Variants in ATF6 observed in about 807,000 individuals in gnomAD.
The protein encoded by ATF6 is cyclic AMP-dependent transcription factor ATF-6 alpha.
A neutral mutation model predicts 83.6 loss-of-function variants in ATF6; 53 were observed. The observed-to-expected ratio is 0.63, with a 90% CI of 0.51 to 0.80. The LOEUF is 0.80. Ranked by LOEUF, ATF6 falls within the 30% of genes least tolerant of loss-of-function variation. The probability of loss-of-function intolerance (pLI) is 0.00; values close to 1 mark genes in which losing one functional copy is unlikely to be tolerated. For missense variants in ATF6, 744 were observed against 797.9 expected (o/e 0.93, Z 0.81); for synonymous variants, 288 against 285.8 (o/e 1.01, Z -0.08).
chr1:161,812,681 C>T (rs1017277585), intron 7 of ATF6, among the ~76,000 whole-genome samples: 17 of 151,810 alleles, frequency 1.1e-4, no homozygotes, highest in Admixed American at 1.3e-4. Context: ...CGTGAGCCAC[C>T]GCGCCCGGCC....
chr1:161,936,555 G>T, intron 15 of ATF6, among the ~76,000 whole-genome samples: 1 of 152,028 alleles, frequency 6.6e-6, no homozygotes, highest in Admixed American at 6.6e-5. Flanking sequence ...ATTTGTATGG[G>T]ATTTTACATT....
At chr1:161,810,509 C>T (rs1685429718) in intron 7 of ATF6, among the ~76,000 whole-genome samples, 1 of 152,126 alleles carries the variant, frequency 6.6e-6, no homozygotes, top group African/African-American at 2.4e-5. Context: ...AAATCTAGAT[C>T]ATATCACACC....
intron 4 of ATF6, among the ~76,000 whole-genome samples, chr1:161,789,339 C>A (rs114526582): frequency 1.4e-5 from 2 of 145,316 alleles, no homozygotes; most frequent in African/African-American, 2.6e-5. Flanking sequence ...CCTCTGGTAA[C>A]CATCCTTCTA....
At chr1:161,912,267 T>C (rs768845579) in intron 14 of ATF6, 29 bp from the exon 15 acceptor site, 2 of 1,555,152 alleles carry the variant, frequency 1.3e-6, no homozygotes, top group Admixed American at 1.8e-5. Context: ...AATTGTTATA[T>C]ATAACAGATT....
At chr1:161,798,016 C>A (rs1271463513) in intron 6 of ATF6, among the ~76,000 whole-genome samples, 1 of 152,144 alleles carries the variant, frequency 6.6e-6, no homozygotes, top group Non-Finnish European at 1.5e-5. Context: ...AATAAAGCTG[C>A]ACCCCTGCAA....
intron 15 of ATF6, among the ~76,000 whole-genome samples, chr1:161,920,455 C>T (rs890760127): frequency 3.3e-5 from 5 of 151,704 alleles, no homozygotes; most frequent in South Asian, 2.1e-4. Flanking sequence ...CCACCATGCC[C>T]GGCTAATTTT....
intron 15 of ATF6, among the ~76,000 whole-genome samples, chr1:161,932,828 A>G (rs1216829206): frequency 1.3e-5 from 2 of 152,118 alleles, no homozygotes; most frequent in Non-Finnish European, 2.9e-5. Flanking sequence ...GCTCACTCGT[A>G]TGGTTGTTGG....
At chr1:161,955,823 A>C (rs1282354947) in intron 15 of ATF6, among the ~76,000 whole-genome samples, 1 of 152,166 alleles carries the variant, frequency 6.6e-6, no homozygotes, top group Admixed American at 6.5e-5. Flanking sequence ...GTCTTCTAGC[A>C]ATGCTGATAG....
chr1:161,846,951 G>A (rs930797958), intron 10 of ATF6, among the ~76,000 whole-genome samples: 2 of 151,814 alleles, frequency 1.3e-5, no homozygotes, highest in Non-Finnish European at 2.9e-5. Flanking sequence ...GATATGATAT[G>A]GTGGAATAAC....
intron 6 of ATF6, among the ~76,000 whole-genome samples, chr1:161,799,717 C>T (rs1388053190): frequency 2.0e-5 from 3 of 152,128 alleles, no homozygotes; most frequent in Non-Finnish European, 2.9e-5. Flanking sequence ...ATCTTCTTAT[C>T]TGGGATAAAA....
chr1:161,876,515 AT>A (rs925611408), intron 14 of ATF6, among the ~76,000 whole-genome samples: 20 of 151,546 alleles, frequency 1.3e-4, no homozygotes, highest in Middle Eastern at 3.4e-3. Flanking sequence ...CTGTAATAGA[AT>A]TTTTTTTTAG....
At chr1:161,886,918 A>T (rs934856867) in intron 14 of ATF6, among the ~76,000 whole-genome samples, 7 of 152,188 alleles carry the variant, frequency 4.6e-5, no homozygotes, top group African/African-American at 1.4e-4. Context: ...TTCTAGAGAC[A>T]CTGAATTGGC....
At chr1:161,907,183 T>C (rs575763889) in intron 14 of ATF6, among the ~76,000 whole-genome samples, 1 of 152,332 alleles carries the variant, frequency 6.6e-6, no homozygotes, top group African/African-American at 2.4e-5. Flanking sequence ...GGCCTACTTC[T>C]AGTTGATGCT....
intron 14 of ATF6, among the ~76,000 whole-genome samples, chr1:161,883,097 G>A (rs557309344): frequency 1.3e-5 from 2 of 151,954 alleles, no homozygotes; most frequent in African/African-American, 4.8e-5. Context: ...CAGAAAATTG[G>A]CATGTTTCGA....
chr1:161,869,082 A>G (rs1042796583), intron 14 of ATF6, among the ~76,000 whole-genome samples: 1 of 151,944 alleles, frequency 6.6e-6, no homozygotes, highest in Non-Finnish European at 1.5e-5. Flanking sequence ...ATTATTGCAA[A>G]AAAAAAGGTT....
chr1:161,830,827 C>T lies in ATF6; in HGVS notation c.1187+9666C>T, dbSNP rs577520074. ...ATGGATCAAAGACTTAAATGTTAGACCTAAAACCATAAAAACCCTACAAGA... is the reference window on the plus strand; with the variant it reads ...ATGGATCAAAGACTTAAATGTTAGATCTAAAACCATAAAAACCCTACAAGA... On this transcript the variant is annotated intron_variant, in intron 9 of 15. Transcript: ENST00000367942. 2.0e-5 allele frequency among the ~76,000 whole-genome samples: 3 copies of T among 152,332 alleles called. No homozygotes were observed. In the South Asian group the frequency reaches 6.2e-4, roughly 32 times the overall value.
At chr1:161,916,872 A>G (rs538146453) in intron 15 of ATF6, among the ~76,000 whole-genome samples, 2 of 152,324 alleles carry the variant, frequency 1.3e-5, no homozygotes, top group South Asian at 4.1e-4. Context: ...CTACTTCAAA[A>G]AATTCCCTCA....
chr1:161,829,222 C>T (rs114914091), intron 9 of ATF6, among the ~76,000 whole-genome samples: 10,408 of 111,786 alleles, frequency 0.093, 789 homozygotes, highest in East Asian at 0.3. Context: ...TTTGGTGAGA[C>T]GGAGTCTAGC....
chr1:161,812,635 A>G (rs1034187613), intron 7 of ATF6, among the ~76,000 whole-genome samples: 1 of 150,970 alleles, frequency 6.6e-6, no homozygotes, highest in African/African-American at 2.4e-5. Flanking sequence ...CTCGTGATCC[A>G]CCCGCCTCGG....
Sources: gnomAD v4.1 joint callset for allele counts (sites outside exome capture counted in the v4.1 genomes callset) on GRCh38, gnomAD v4.1.1 for gene constraint, MANE v1.5 for transcripts, NCBI Gene and HGNC (gene_info 2026-07-23, HGNC 2026-07-21) for gene names.